The following SEMA5A variants were observed in gnomAD, a reference collection of about 807,000 sequenced individuals.
The protein encoded by SEMA5A is semaphorin-5A.
A neutral mutation model predicts 135.5 loss-of-function variants in SEMA5A; 55 were observed. The observed-to-expected ratio is 0.41, with a 90% confidence interval of 0.33 to 0.51. SEMA5A has a LOEUF of 0.51. Among genes scored for constraint, SEMA5A ranks in the 20% least tolerant of loss-of-function variants. SEMA5A has a pLI of 0.37. For synonymous variants in SEMA5A, 580 were observed against 546.5 expected, an observed-to-expected ratio of 1.06 and a Z score of -0.85; for missense variants, 1,290 against 1,419.9, an observed-to-expected ratio of 0.91 and a Z score of 1.47.
intron 16 of SEMA5A, among the ~76,000 whole-genome samples, chr5:9,081,680 A>T (rs1738394225): frequency 6.6e-6 from 1 of 152,190 alleles, no homozygotes; most frequent in Admixed American, 6.5e-5. Flanking sequence ...GTTACAATTC[A>T]TGTTATTTTA....
At chr5:9,205,241 G>C (rs997511794) in intron 8 of SEMA5A, among the ~76,000 whole-genome samples, 2 of 152,086 alleles carry the variant, frequency 1.3e-5, no homozygotes, top group Non-Finnish European at 1.5e-5. Flanking sequence ...CAGTCTAAGG[G>C]GGGTTTCAGA....
At chr5:9,442,317 C>A (rs574712422) in intron 1 of SEMA5A, among the ~76,000 whole-genome samples, 1 of 152,160 alleles carries the variant, frequency 6.6e-6, no homozygotes, top group Admixed American at 6.5e-5. Flanking sequence ...CAGGTGAAGT[C>A]GCCTGGTTGG....
Position 9,204,120 on chromosome 5 carries a change from G to C in SEMA5A, c.647-1880C>G, listed in dbSNP as rs1253150109. On this transcript the variant is annotated intron_variant, in intron 8 of 22. Coordinates refer to ENST00000382496, the MANE Select transcript of SEMA5A (RefSeq NM_003966.3). This position sits in a 1 kb window ranked among gnomAD's most constrained non-coding sequence, Gnocchi z 6.4. ...TACTGGCATGTCTAATTCTAAATAA[G>C]AGTCTAAATTATTTTGGAATGGGTC... 6.6e-6 allele frequency among the ~76,000 whole-genome samples: 1 copy of C among 152,134 alleles called. No homozygotes were observed. The highest frequency in any genetic ancestry group is 1.5e-5 in the Non-Finnish European group (1 of 68,032).
intron 16 of SEMA5A, among the ~76,000 whole-genome samples, chr5:9,073,537 A>T (rs998225085): frequency 1.3e-5 from 2 of 152,206 alleles, no homozygotes; most frequent in African/African-American, 4.8e-5. Context: ...TCCTCCTAAG[A>T]TGAGAAACAA....
Position 9,292,322 on chromosome 5 carries a change from A to G in SEMA5A, c.270+26050T>C, listed in dbSNP as rs548528744. Among the ~76,000 whole-genome samples the G allele has an allele frequency of 9.2e-5, 14 of 152,348 alleles. No individual in the cohort carries two copies. In the South Asian group the frequency reaches 2.9e-3, roughly 32 times the overall value. On this transcript the variant is annotated intron_variant, in intron 5 of 22. Transcript: ENST00000382496. ...CTTGATTTATAAAATTCACAGTTAT[A>G]ACAATATGTTAACTCGTTTACTCAA...
chr5:9,214,508 A>T (rs1328679198), intron 8 of SEMA5A, among the ~76,000 whole-genome samples: 1 of 152,224 alleles, frequency 6.6e-6, no homozygotes, highest in African/African-American at 2.4e-5. Context: ...AGCTTGCTAA[A>T]GGCAGGTTTT....
At chr5:9,319,639 C>A (rs1752539281) in intron 4 of SEMA5A, among the ~76,000 whole-genome samples, 1 of 151,956 alleles carries the variant, frequency 6.6e-6, no homozygotes, top group African/African-American at 2.4e-5. Flanking sequence ...AGAAAGCCAG[C>A]CTAAGTGCAA....
intron 1 of SEMA5A, among the ~76,000 whole-genome samples, chr5:9,475,404 C>T (rs931334301): frequency 2.0e-5 from 3 of 152,140 alleles, no homozygotes; most frequent in Admixed American, 1.3e-4. Flanking sequence ...AAGAAAGGAC[C>T]GTGTCCTTCT....
At chr5:9,047,781 T>C (rs1196721620) in intron 21 of SEMA5A, among the ~76,000 whole-genome samples, 2 of 152,026 alleles carry the variant, frequency 1.3e-5, no homozygotes, top group African/African-American at 4.8e-5. Flanking sequence ...AGCCTGAAGA[T>C]CTAAAAAAAA....
chr5:9,355,401 A>T (rs899701772), intron 3 of SEMA5A, among the ~76,000 whole-genome samples: 4 of 152,214 alleles, frequency 2.6e-5, no homozygotes, highest in African/African-American at 9.6e-5. Context: ...GGTCTAGAGA[A>T]GATGGAGGAA....
At chr5:9,493,168 A>T (rs2126804071) in intron 1 of SEMA5A, among the ~76,000 whole-genome samples, 1 of 152,134 alleles carries the variant, frequency 6.6e-6, no homozygotes, top group Non-Finnish European at 1.5e-5. Flanking sequence ...CTGTTAACCT[A>T]AAACTGCTCT....
Position 9,066,600 on chromosome 5 carries a change from G to T in SEMA5A, c.2120C>A (p.Thr707Asn). 1.2e-6 allele frequency: 2 copies of T among 1,614,164 alleles called. No homozygotes were observed. Among genetic ancestry groups the T allele is most frequent in the Non-Finnish European group, 1.7e-6 (2 of 1,180,030 alleles). Residue 707 changes from threonine to asparagine, a missense_variant, in exon 17 of 23, where the codon ACC becomes AAC. This residue lies in a region of SEMA5A where 1,029 missense variants were observed against 1,086.6 expected (regional missense o/e 0.95). Coordinates refer to ENST00000382496, the MANE Select transcript of SEMA5A (RefSeq NM_003966.3). ...AGGTGTCCAGGGTGTCCAGGGCGTG[G>T]TCTTCTTCAGCTCAGGACACGGGTT... ...NTNPCPELKK[T>N]TPWTPWTPVN...
chr5:9,045,890 T>C (rs1465155556), intron 21 of SEMA5A: 1 of 152,200 alleles, frequency 6.6e-6, no homozygotes, highest in Non-Finnish European at 1.5e-5. Context: ...CAAGGCACCA[T>C]ACCAAGACCT....
chr5:9,461,197 C>T (rs1211823255), intron 1 of SEMA5A, among the ~76,000 whole-genome samples: 1 of 152,166 alleles, frequency 6.6e-6, no homozygotes, highest in African/African-American at 2.4e-5. Flanking sequence ...AGCTAGGAAA[C>T]TATTGTGGCA....
intron 3 of SEMA5A, among the ~76,000 whole-genome samples, chr5:9,375,338 T>C (rs1755321493): frequency 6.6e-6 from 1 of 152,036 alleles, no homozygotes; most frequent in Non-Finnish European, 1.5e-5. Context: ...AAGTTCAACA[T>C]GACTTATGTC....
chr5:9,467,468 G>A (rs1159312482), intron 1 of SEMA5A, among the ~76,000 whole-genome samples: 1 of 152,104 alleles, frequency 6.6e-6, no homozygotes, highest in Non-Finnish European at 1.5e-5. Flanking sequence ...TAGAACTCCA[G>A]GCACCTTCCA....
chr5:9,298,084 C>G (rs57775873), intron 5 of SEMA5A, among the ~76,000 whole-genome samples: 1,741 of 152,230 alleles, frequency 0.011, 42 homozygotes, highest in African/African-American at 0.04. Context: ...CGGTGAAGTC[C>G]TAACCCCCAG....
In SEMA5A at chr5:9,221,396, G is replaced by A. The variant is rs13177212; in HGVS notation, c.646+3278C>T. Among the ~76,000 whole-genome samples, 1,409 of 141,382 alleles carry A rather than the reference G, an allele frequency of 1.0e-2. 14 individuals carry two copies. The highest frequency in any genetic ancestry group is 0.015 in the Non-Finnish European group (977 of 63,122). 92.8% of individuals were successfully genotyped at this position (141,382 alleles called of 152,430 possible). A position where few individuals can be genotyped will look rare whatever the true frequency, so the allele number is the denominator to read the frequency against. On this transcript the variant is annotated intron_variant, in intron 8 of 22. Coordinates refer to ENST00000382496, the MANE Select transcript of SEMA5A (RefSeq NM_003966.3). ...CGGCTTACTGCAAGCTCCGCCTCCC[G>A]GGTTCACACCATTCTCCTGCCTCAG...
chr5:9,114,056 A>T (rs1395997912), intron 15 of SEMA5A, among the ~76,000 whole-genome samples: 1 of 152,232 alleles, frequency 6.6e-6, no homozygotes, highest in African/African-American at 2.4e-5. Context: ...CCAAGTGTCC[A>T]CTGATGAAAA....
Sources: allele counts gnomAD v4.1 joint callset (sites outside exome capture counted in the v4.1 genomes callset), GRCh38; gene constraint gnomAD v4.1.1; regional missense constraint gnomAD v4.1.1; non-coding constraint Gnocchi (gnomAD v3.1); transcripts MANE v1.5; gene names NCBI Gene and HGNC (gene_info 2026-07-23, HGNC 2026-07-21).